Variants in EFCAB7 observed in about 807,000 individuals in gnomAD.
EFCAB7 encodes EF-hand calcium binding domain 7, also known as EF-hand calcium-binding domain-containing protein 7.
Under a neutral mutation model 77.1 loss-of-function variants are expected in EFCAB7, and 66 were observed. That is an observed-to-expected ratio of 0.86 (90% confidence interval 0.70 to 1.05). The LOEUF is 1.05. EFCAB7 is among the 50% of genes least tolerant of loss of function. EFCAB7 has a pLI of 0.00. For synonymous variants in EFCAB7, 225 were observed against 243.3 expected (o/e 0.92, Z 0.70); for missense variants, 638 against 730.5 (o/e 0.87, Z 1.46).
chr1:63,532,708 A>G lies in EFCAB7; in HGVS notation c.438A>G (p.Ile146Met). The G allele has an allele frequency of 1.2e-6, 2 of 1,605,104 alleles. No homozygotes were observed. Among genetic ancestry groups the G allele is most frequent in the Non-Finnish European group, 1.7e-6 (2 of 1,176,698 alleles). ...TGACTCGAGAAGAAGTAAATGCCAT[A>G]ATAAATTTGGCTGATGTAAATGCTG... ...EKMTREEVNA[I>M]INLADVNADG... Residue 146 changes from isoleucine to methionine, a missense_variant, in exon 4 of 14, where the codon ATA (isoleucine) becomes ATG (methionine). By Grantham distance (10) the Ile-to-Met change is conservative. Transcript: ENST00000371088.
chr1:63,549,568 A>T (rs1423793029), intron 7 of EFCAB7: 1 of 447,470 alleles, frequency 2.2e-6, no homozygotes, highest in Non-Finnish European at 4.5e-6. Flanking sequence ...CAAAAAGGAA[A>T]AAAAAATGAC....
chr1:63,546,830 T>A (rs566226045), intron 7 of EFCAB7, among the ~76,000 whole-genome samples: 1 of 152,348 alleles, frequency 6.6e-6, no homozygotes, highest in Admixed American at 6.5e-5. Context: ...ACTTAGACAA[T>A]ATTTATTAAT....
chr1:63,578,848 C>T, the EFCAB7 span, among the ~76,000 whole-genome samples: 3 of 152,122 alleles, frequency 2.0e-5, no homozygotes, highest in Non-Finnish European at 4.4e-5. Flanking sequence ...TGCTCCTGCC[C>T]TCATTATACA....
intron 2 of EFCAB7, chr1:63,529,807 T>C (rs1366244873): frequency 6.6e-6 from 1 of 152,142 alleles, no homozygotes; most frequent in Non-Finnish European, 1.5e-5. Context: ...CAATCTCGGC[T>C]TACTGCAGTC....
rs185089010 is a variant in EFCAB7 at position 63,532,619 on chromosome 1, A to G, written c.400-51A>G. On this transcript the variant is annotated intron_variant, in intron 3 of 13. Coordinates refer to ENST00000371088, the MANE Select transcript of EFCAB7 (RefSeq NM_032437.4). ...TGTGCTTCCACTGTCCCCATGAATA[A>G]CAAAGGAGTAATCATGTTGCTTTAA... 1.8e-4 allele frequency: 258 copies of G among 1,439,794 alleles called. No individual in the cohort carries two copies. In the African/African-American group the frequency reaches 3.4e-3, roughly 19 times the overall value. The allele number at this position is 1,439,794 out of a possible 1,614,324, so 89.2% of individuals were successfully genotyped here.
chr1:63,568,768 A>G (rs1227975148), intron 12 of EFCAB7: 1 of 341,892 alleles, frequency 2.9e-6, no homozygotes, highest in East Asian at 5.5e-5. Context: ...ATATTAGTGA[A>G]TATAGAGCAC....
At chr1:63,565,112 T>G (rs1443260119) in intron 11 of EFCAB7, among the ~76,000 whole-genome samples, 1 of 152,144 alleles carries the variant, frequency 6.6e-6, no homozygotes, top group Non-Finnish European at 1.5e-5. Flanking sequence ...TTTGGGAGGC[T>G]GAGGCGGGTG....
At position 63,534,191 on chromosome 1, in the gene EFCAB7, A is replaced by G; in HGVS notation, c.779A>G (p.Lys260Arg). ...GGGGCTAATGGTAACCGAAACTCAAAGTTAATGGAGCCAAATTTAATAAAG... is the reference window on the plus strand; with the variant it reads ...GGGGCTAATGGTAACCGAAACTCAAGGTTAATGGAGCCAAATTTAATAAAG... The part of the protein sequence containing the change: ...TMGANGNRNS[K>R]LMEPNLIKDW... Residue 260 changes from lysine to arginine, a missense_variant, in exon 6 of 14, where the codon AAG (lysine) becomes AGG (arginine). By Grantham distance (26) the Lys-to-Arg change is conservative. Coordinates refer to ENST00000371088, the MANE Select transcript of EFCAB7 (RefSeq NM_032437.4). 6.2e-7 allele frequency: 1 copy of G among 1,612,856 alleles called. No homozygotes were observed.
intron 6 of EFCAB7, among the ~76,000 whole-genome samples, chr1:63,537,088 C>T: frequency 6.6e-6 from 1 of 152,122 alleles, no homozygotes; most frequent in South Asian, 2.1e-4. Flanking sequence ...AAAATAAGAT[C>T]CTTACAGGTA....
At position 63,534,236 on chromosome 1, in the gene EFCAB7, C is replaced by T. The variant is rs1553170272; in HGVS notation, c.804+20C>T. On this transcript the variant is annotated intron_variant, in intron 6 of 13. Transcript: ENST00000371088. The stretch of plus-strand genomic sequence containing the variant: ...ATAAAGGTATAGTATTTTAAGTTAA[C>T]AGATGACTTTTTCTGAAAAAAATTT... The T allele has an allele frequency of 8.7e-6, 14 of 1,601,738 alleles. No homozygotes were observed. The South Asian group carries it at 1.6e-4, about 18-fold the overall frequency.
At chr1:63,572,823 G>A (rs997196964), downstream of EFCAB7, 2 of 320,592 alleles carry the variant, frequency 6.2e-6, no homozygotes, top group African/African-American at 4.5e-5. Flanking sequence ...ATAGGGGTGG[G>A]GCCATTTTAT....
At chr1:63,551,909 T>C (rs1053803944) in intron 8 of EFCAB7, 75 bp downstream of exon 8, 2 of 911,182 alleles carry the variant, frequency 2.2e-6, no homozygotes, top group Non-Finnish European at 3.1e-6. Context: ...TATGTTTCTG[T>C]ATTTTATTTT....
chr1:63,553,582 C>T (rs1646992695), intron 8 of EFCAB7, among the ~76,000 whole-genome samples: 1 of 152,180 alleles, frequency 6.6e-6, no homozygotes, highest in South Asian at 2.1e-4. Context: ...TCATGATCCG[C>T]CTGCCTTGGC....
rs1359946901 is a variant in EFCAB7 at position 63,532,019 on chromosome 1, ATT to A, written c.389_390del (p.Phe130SerfsTer6). 1 of 1,606,910 alleles carries A rather than the reference ATT, an allele frequency of 6.2e-7. No homozygotes were observed. Among genetic ancestry groups the A allele is most frequent in the Middle Eastern group, 1.7e-4 (1 of 5,976 alleles). ...GCILHTDLYK[F>X]LTKRGEKMTR... Reference sequence around the variant, plus strand: ...GTATTTTACACACTGACCTTTATAAATTTCTAACAAAGGTAAGATCTGTAAAA... The same window carrying A: ...GTATTTTACACACTGACCTTTATAAATCTAACAAAGGTAAGATCTGTAAAA... On this transcript the variant is annotated frameshift_variant, in exon 3 of 14. Transcript: ENST00000371088. LOFTEE classifies it high-confidence loss of function.
At chr1:63,581,955 G>A in the EFCAB7 span, among the ~76,000 whole-genome samples, 4 of 152,254 alleles carry the variant, frequency 2.6e-5, no homozygotes, top group South Asian at 2.1e-4. Flanking sequence ...GTAAACAAAC[G>A]TAAATATGCA....
Position 63,531,940 on chromosome 1 carries a change from C to A in EFCAB7, c.308C>A (p.Ser103Ter), listed in dbSNP as rs1557670714. The change falls in exon 3 of 14, where the codon TCA becomes TAA. Residue 103 changes from serine to a stop codon, truncating the protein, a stop_gained. Transcript: ENST00000371088. LOFTEE classifies it high-confidence loss of function. ...CIILRKEKPT[S>*]KAELLKSFKQ... ...ATTTTAAGGAAGGAAAAACCTACTTCAAAAGCAGAACTACTAAAATCATTT... is the reference window on the plus strand; with the variant it reads ...ATTTTAAGGAAGGAAAAACCTACTTAAAAAGCAGAACTACTAAAATCATTT... The A allele has an allele frequency of 6.2e-7, 1 of 1,612,892 alleles. No homozygotes were observed.
intron 1 of EFCAB7, among the ~76,000 whole-genome samples, chr1:63,525,139 T>G (rs1451572995): frequency 6.6e-6 from 1 of 152,218 alleles, no homozygotes; most frequent in Non-Finnish European, 1.5e-5. Context: ...ATATTGTATA[T>G]GCTTCACATG....
intron 2 of EFCAB7, 23 bp from the exon 3 acceptor site, chr1:63,531,797 A>G: frequency 1.2e-6 from 2 of 1,603,192 alleles, no homozygotes; most frequent in Non-Finnish European, 1.7e-6. Context: ...ACAATCACAA[A>G]TAATACTTGT....
At position 63,551,762 on chromosome 1, in the gene EFCAB7, G is replaced by A; in HGVS notation, c.984G>A (p.Leu328=). 6.3e-7 allele frequency: 1 copy of A among 1,585,846 alleles called. No individual in the cohort carries two copies. Among genetic ancestry groups the A allele is most frequent in the South Asian group, 1.2e-5 (1 of 84,782 alleles). The change falls in exon 8 of 14, where the codon TTG becomes TTA. Residue 328 remains leucine, a synonymous_variant. Transcript: ENST00000371088. The part of the protein sequence containing the change: ...PSPWLSVDTA[L]YILKENESQA... ...CTTGGTTATCCGTTGATACTGCCTT[G>A]TATATTCTCAAGGAAAATGAGAGTC...
Sources: gnomAD v4.1 joint callset for allele counts (sites outside exome capture counted in the v4.1 genomes callset) on GRCh38, gnomAD v4.1.1 for gene constraint, MANE v1.5 for transcripts, NCBI Gene and HGNC (gene_info 2026-07-23, HGNC 2026-07-21) for gene names.